Variants in ABTB3 observed in about 807,000 individuals in gnomAD.
The protein encoded by ABTB3 is ankyrin repeat and BTB domain containing 3.
chr12:107,440,700 G>T, the ABTB3 span, among the ~76,000 whole-genome samples: 3 of 152,120 alleles, frequency 2.0e-5, no homozygotes, highest in Admixed American at 1.3e-4. Context: ...GTGTCACATG[G>T]TAATTATTCT....
chr12:107,439,246 C>T, the ABTB3 span, among the ~76,000 whole-genome samples: 590 of 152,172 alleles, frequency 3.9e-3, 7 homozygotes, highest in African/African-American at 0.012. Flanking sequence ...CCTGGCTTAA[C>T]GATAAGGTTG....
chr12:107,385,068 C>T, the ABTB3 span, among the ~76,000 whole-genome samples: 1 of 152,360 alleles, frequency 6.6e-6, no homozygotes, highest in South Asian at 2.1e-4. Context: ...GATTTAGACT[C>T]TGATGCCCAT....
the ABTB3 span, among the ~76,000 whole-genome samples, chr12:107,492,561 G>A: frequency 6.6e-6 from 1 of 152,048 alleles, no homozygotes; most frequent in African/African-American, 2.4e-5. Flanking sequence ...CAATCCTATA[G>A]TCACTTTGGC....
At chr12:107,364,491 A>G in the ABTB3 span, among the ~76,000 whole-genome samples, 1 of 151,974 alleles carries the variant, frequency 6.6e-6, no homozygotes, top group African/African-American at 2.4e-5. Flanking sequence ...GGCTTTCACC[A>G]TATTGGTTAG....
chr12:107,633,008 G>T, the ABTB3 span, among the ~76,000 whole-genome samples: 8 of 152,150 alleles, frequency 5.3e-5, no homozygotes, highest in Non-Finnish European at 1.2e-4. Context: ...GTCCTTTTCT[G>T]CTTCTACTTT....
the ABTB3 span, among the ~76,000 whole-genome samples, chr12:107,524,457 A>G: frequency 6.6e-6 from 1 of 152,188 alleles, no homozygotes; most frequent in Non-Finnish European, 1.5e-5. Flanking sequence ...GTTTGTTCTC[A>G]GTCATTCCTG....
At chr12:107,462,302 A>G in the ABTB3 span, among the ~76,000 whole-genome samples, 3 of 152,244 alleles carry the variant, frequency 2.0e-5, no homozygotes, top group African/African-American at 4.8e-5. Flanking sequence ...TCTTATATCC[A>G]GAACAGTTTC....
chr12:107,378,846 T>C, the ABTB3 span, among the ~76,000 whole-genome samples: 2 of 152,238 alleles, frequency 1.3e-5, no homozygotes, highest in African/African-American at 2.4e-5. Context: ...TGGACAAGCA[T>C]TGGGGTTCCC....
chr12:107,509,687 G>A, the ABTB3 span, among the ~76,000 whole-genome samples: 1 of 152,242 alleles, frequency 6.6e-6, no homozygotes, highest in Admixed American at 6.5e-5. Context: ...AGATGCAGAT[G>A]CTTTTCCGAA....
At chr12:107,589,003 T>G in the ABTB3 span, among the ~76,000 whole-genome samples, 2 of 152,200 alleles carry the variant, frequency 1.3e-5, no homozygotes. Context: ...AAATCCTGGC[T>G]GCACCGCTTA....
At chr12:107,554,945 C>T in the ABTB3 span, among the ~76,000 whole-genome samples, 2 of 152,146 alleles carry the variant, frequency 1.3e-5, no homozygotes, top group Non-Finnish European at 2.9e-5. Context: ...ATAAATATTC[C>T]TCAGACTTTG....
chr12:107,539,093 G>C, the ABTB3 span, among the ~76,000 whole-genome samples: 1 of 152,186 alleles, frequency 6.6e-6, no homozygotes, highest in South Asian at 2.1e-4. Context: ...CTCTGAAATT[G>C]ATATAATAAT....
the ABTB3 span, among the ~76,000 whole-genome samples, chr12:107,587,067 A>G: frequency 2.6e-5 from 4 of 152,220 alleles, no homozygotes; most frequent in Non-Finnish European, 5.9e-5. Context: ...GAAGGAACAC[A>G]AGGAATTCAG....
chr12:107,403,337 C>A, the ABTB3 span, among the ~76,000 whole-genome samples: 1 of 152,038 alleles, frequency 6.6e-6, no homozygotes, highest in African/African-American at 2.4e-5. Context: ...TGACACAGAC[C>A]GAAAATGTAA....
the ABTB3 span, among the ~76,000 whole-genome samples, chr12:107,499,381 T>TGTGC: frequency 6.6e-6 from 1 of 151,476 alleles, no homozygotes; most frequent in Non-Finnish European, 1.5e-5. Flanking sequence ...TGTGTGTGTG[T>TGTGC]GCGTGTGGTG....
At chr12:107,472,683 C>T in the ABTB3 span, among the ~76,000 whole-genome samples, 1 of 152,340 alleles carries the variant, frequency 6.6e-6, no homozygotes, top group East Asian at 1.9e-4. Flanking sequence ...CTGCTGTTAT[C>T]AGCACCGCGC....
At chr12:107,385,275 A>G in the ABTB3 span, among the ~76,000 whole-genome samples, 4 of 152,172 alleles carry the variant, frequency 2.6e-5, no homozygotes, top group African/African-American at 9.7e-5. Flanking sequence ...CTGGACATAG[A>G]CAAGTCAACA....
chr12:107,492,745 G>A, the ABTB3 span, among the ~76,000 whole-genome samples: 5 of 151,610 alleles, frequency 3.3e-5, no homozygotes, highest in Non-Finnish European at 7.4e-5. Context: ...AACCCAACCA[G>A]AAAAAACAAA....
chr12:107,527,293 C>T, the ABTB3 span, among the ~76,000 whole-genome samples: 35 of 151,744 alleles, frequency 2.3e-4, no homozygotes, highest in Non-Finnish European at 3.5e-4. Context: ...TTTTTTGAGA[C>T]GGAGTCTCAC....
Sources: gnomAD v4.1 joint callset for allele counts (sites outside exome capture counted in the v4.1 genomes callset) on GRCh38, gnomAD v4.1.1 for gene constraint, MANE v1.5 for transcripts, NCBI Gene and HGNC (gene_info 2026-07-23, HGNC 2026-07-21) for gene names.